RANBP2: variants seen among roughly 807,000 people sequenced by gnomAD.
The protein encoded by RANBP2 is RAN binding protein 2.
Under a neutral mutation model 303.6 loss-of-function variants are expected in RANBP2, and 57 were observed. The observed-to-expected ratio is 0.19, with a 90% confidence interval of 0.15 to 0.23. The LOEUF is 0.23. Ranked by LOEUF, RANBP2 falls within the 10% of genes least tolerant of loss-of-function variation. The pLI is 1.00. For missense variants in RANBP2, 3,138 were observed against 3,780.8 expected (o/e 0.83, Z 4.46); for synonymous variants, 1,167 against 1,301.5 (o/e 0.90, Z 2.23).
the RANBP2 span, among the ~76,000 whole-genome samples, chr2:109,162,729 T>C: frequency 6.6e-6 from 1 of 152,262 alleles, no homozygotes; most frequent in African/African-American, 2.4e-5. Flanking sequence ...TATAATCCTT[T>C]GGGTATATAC....
chr2:109,428,292 T>C, the RANBP2 span, among the ~76,000 whole-genome samples: 23 of 152,380 alleles, frequency 1.5e-4, no homozygotes, highest in Non-Finnish European at 5.9e-5. Flanking sequence ...TAAAATACTT[T>C]GGTTTACTCT....
chr2:109,437,120 G>A, the RANBP2 span: 1 of 1,612,284 alleles, frequency 6.2e-7, no homozygotes, highest in Non-Finnish European at 8.5e-7. Flanking sequence ...CCAACGGCCA[G>A]CCAAGCCCGG....
chr2:109,120,346 C>T, the RANBP2 span, among the ~76,000 whole-genome samples: 1 of 152,318 alleles, frequency 6.6e-6, no homozygotes, highest in East Asian at 1.9e-4. Context: ...CAACCCCTCC[C>T]CTCAGGCCAC....
At chr2:109,151,303 T>C in the RANBP2 span, among the ~76,000 whole-genome samples, 2 of 152,098 alleles carry the variant, frequency 1.3e-5, no homozygotes, top group Non-Finnish European at 2.9e-5. Context: ...GAATACAGAA[T>C]TTTTTCCTTC....
At chr2:108,733,783 T>G (rs577742257) in intron 4 of RANBP2, among the ~76,000 whole-genome samples, 14 of 152,208 alleles carry the variant, frequency 9.2e-5, no homozygotes, top group African/African-American at 3.1e-4. Flanking sequence ...TTAGATACTT[T>G]GAAGCATTCT....
At chr2:108,782,497 G>A in intron 27 of RANBP2, 31 bp from the exon 28 acceptor site, 1 of 1,613,308 alleles carries the variant, frequency 6.2e-7, no homozygotes, top group Non-Finnish European at 8.5e-7. Context: ...TTAATACTAA[G>A]GTCACTGCTT....
the RANBP2 span, among the ~76,000 whole-genome samples, chr2:108,974,152 AC>A: frequency 1.8e-4 from 27 of 151,496 alleles, no homozygotes; most frequent in Admixed American, 1.4e-3. Context: ...ACATGGTGAA[AC>A]CCCGTCTCTA....
At chr2:109,297,996 G>T in the RANBP2 span, among the ~76,000 whole-genome samples, 15 of 152,260 alleles carry the variant, frequency 9.9e-5, no homozygotes, top group Non-Finnish European at 1.5e-4. Context: ...TTGGGTTTGC[G>T]CCTCAGCTGG....
the RANBP2 span, among the ~76,000 whole-genome samples, chr2:108,985,600 G>A: frequency 6.6e-6 from 1 of 152,142 alleles, no homozygotes; most frequent in African/African-American, 2.4e-5. Context: ...TGGGCAAGAG[G>A]ATCTGGGCAA....
the RANBP2 span, chr2:109,615,855 C>T: frequency 1.9e-6 from 3 of 1,614,044 alleles, no homozygotes; most frequent in East Asian, 6.7e-5. Context: ...AGCCAAGGAT[C>T]CAGGGCGCAA....
the RANBP2 span, among the ~76,000 whole-genome samples, chr2:109,538,513 C>T: frequency 1.4e-4 from 22 of 152,270 alleles, no homozygotes; most frequent in Admixed American, 1.4e-3. Context: ...TTCATGGGAA[C>T]TTTATGCCGT....
At chr2:108,803,351 C>A in the RANBP2 span, among the ~76,000 whole-genome samples, 1 of 152,142 alleles carries the variant, frequency 6.6e-6, no homozygotes, top group Non-Finnish European at 1.5e-5. Flanking sequence ...TCATAGAGGC[C>A]CCTCTTCCTG....
the RANBP2 span, among the ~76,000 whole-genome samples, chr2:109,278,338 G>A: frequency 6.6e-6 from 1 of 152,228 alleles, no homozygotes; most frequent in Non-Finnish European, 1.5e-5. Flanking sequence ...CCGTAATGGG[G>A]GTGGGCCCAG....
chr2:109,568,090 C>T, the RANBP2 span: 73 of 795,784 alleles, frequency 9.2e-5, no homozygotes, highest in African/African-American at 8.9e-4. Context: ...AAACCTAGAT[C>T]GGGGGGCTGG....
At chr2:109,152,468 C>G in the RANBP2 span, among the ~76,000 whole-genome samples, 1 of 152,244 alleles carries the variant, frequency 6.6e-6, no homozygotes, top group Admixed American at 6.5e-5. Flanking sequence ...TTCCGGGTGC[C>G]TGATGGGCCT....
At chr2:109,681,493 A>G in the RANBP2 span, among the ~76,000 whole-genome samples, 1 of 152,246 alleles carries the variant, frequency 6.6e-6, no homozygotes, top group Non-Finnish European at 1.5e-5. Flanking sequence ...TAAGATGGAG[A>G]GTAATGAAGT....
At chr2:109,189,036 C>T in the RANBP2 span, among the ~76,000 whole-genome samples, 1 of 152,108 alleles carries the variant, frequency 6.6e-6, no homozygotes, top group African/African-American at 2.4e-5. Context: ...CAGCCCCTTC[C>T]ACCCTCCCAT....
chr2:108,786,843 G>C (rs750585962), downstream of RANBP2: 6 of 1,592,934 alleles, frequency 3.8e-6, no homozygotes, highest in South Asian at 6.9e-5. Flanking sequence ...GGGTCGTCAA[G>C]CCACCGGGGC....
At chr2:109,017,535 A>G in the RANBP2 span, among the ~76,000 whole-genome samples, 6 of 152,208 alleles carry the variant, frequency 3.9e-5, no homozygotes, top group Non-Finnish European at 7.3e-5. Context: ...TCCTGGGCAG[A>G]CCTCAAGAAA....
Sources: gnomAD v4.1 joint callset for allele counts (sites outside exome capture counted in the v4.1 genomes callset) on GRCh38, gnomAD v4.1.1 for gene constraint, MANE v1.5 for transcripts, NCBI Gene and HGNC (gene_info 2026-07-23, HGNC 2026-07-21) for gene names.